Variants in TLK1 observed in about 807,000 individuals in gnomAD.
The protein encoded by TLK1 is serine/threonine-protein kinase tousled-like 1.
A neutral mutation model predicts 105.3 loss-of-function variants in TLK1; 24 were observed. That is an observed-to-expected ratio of 0.23 (90% CI 0.17 to 0.32). The LOEUF (loss-of-function observed/expected upper bound fraction) is 0.32. Among genes scored for constraint, TLK1 ranks in the 10% least tolerant of loss-of-function variants. The pLI is 1.00. For synonymous variants in TLK1, 321 were observed against 310.4 expected (o/e 1.03, Z -0.36); for missense variants, 558 against 910.5 (o/e 0.61, Z 4.98).
At chr2:171,107,778 G>A (rs1477519532) in intron 2 of TLK1, among the ~76,000 whole-genome samples, 1 of 152,098 alleles carries the variant, frequency 6.6e-6, no homozygotes, top group Non-Finnish European at 1.5e-5. Flanking sequence ...AAAGGAGCTG[G>A]CCAGGCGCAG....
At chr2:171,212,891 T>C (rs1204609554) in intron 1 of TLK1, among the ~76,000 whole-genome samples, 2 of 13,772 alleles carry the variant, frequency 1.5e-4, no homozygotes, top group African/African-American at 2.3e-4. Context: ...AAAAGCGTTT[T>C]GTTTTTTTTT....
chr2:171,009,251 G>T (rs1407255626), intron 14 of TLK1, among the ~76,000 whole-genome samples: 2 of 150,158 alleles, frequency 1.3e-5, no homozygotes, highest in African/African-American at 5.0e-5. Flanking sequence ...AACGAGAAGG[G>T]TGTAGTCTTT....
chr2:171,074,170 C>T (rs1688392516), intron 3 of TLK1, among the ~76,000 whole-genome samples: 1 of 152,180 alleles, frequency 6.6e-6, no homozygotes, highest in Non-Finnish European at 1.5e-5. Context: ...GGATTACAGG[C>T]ATGAGCCGCC....
chr2:171,161,725 T>C (rs1241361767), upstream of TLK1, among the ~76,000 whole-genome samples: 4 of 152,236 alleles, frequency 2.6e-5, no homozygotes, highest in African/African-American at 9.6e-5. Context: ...ATAATTTGTT[T>C]CTAGTGTCTC....
intron 13 of TLK1, among the ~76,000 whole-genome samples, chr2:171,014,451 G>C (rs1239192057): frequency 2.6e-5 from 4 of 151,850 alleles, no homozygotes; most frequent in Non-Finnish European, 4.4e-5. Context: ...CCTCCTACCT[G>C]AGCCTCTTGA....
intron 11 of TLK1, among the ~76,000 whole-genome samples, chr2:171,038,085 C>T (rs551334866): frequency 6.6e-6 from 1 of 152,218 alleles, no homozygotes; most frequent in Non-Finnish European, 1.5e-5. Flanking sequence ...TTTGGTTCCA[C>T]TGTATTTTTC....
At chr2:171,086,976 C>T (rs934731046) in intron 2 of TLK1, among the ~76,000 whole-genome samples, 2 of 152,116 alleles carry the variant, frequency 1.3e-5, no homozygotes, top group Non-Finnish European at 2.9e-5. Context: ...AAGACTAAAA[C>T]AACTAGCAGG....
At chr2:171,148,951 G>GAT (rs576358287) in intron 1 of TLK1, among the ~76,000 whole-genome samples, 2,348 of 144,708 alleles carry the variant, frequency 0.016, 21 homozygotes, top group African/African-American at 0.029. Flanking sequence ...GTGTATGTGC[G>GAT]ATATATATAT....
chr2:171,203,327 A>G (rs1163110504), intron 1 of TLK1, among the ~76,000 whole-genome samples: 1 of 152,032 alleles, frequency 6.6e-6, no homozygotes, highest in Non-Finnish European at 1.5e-5. Context: ...AAAACTCTAT[A>G]CTCATTAAAC....
Position 171,046,336 on chromosome 2 carries a change from C to T in TLK1, c.1007G>A (p.Arg336Lys), listed in dbSNP as rs759400768. The T allele has an allele frequency of 6.2e-7, 1 of 1,609,422 alleles. No individual in the cohort carries two copies. The highest frequency in any genetic ancestry group is 1.7e-5 in the Admixed American group (1 of 59,062). ...VKQQEWVNQQ[R>K]EDIERQRKLL... ...TTTCCTTTGCCTTTCAATATCTTCC[C>T]TTTGCTGATTCACCCATTCTTGTTG... The change falls in exon 11 of 21, where the codon AGG (arginine) becomes AAG (lysine). Residue 336 changes from arginine (R) to lysine (K), a missense_variant. Transcript: ENST00000431350.
At chr2:171,026,167 G>A (rs891672706) in intron 12 of TLK1, among the ~76,000 whole-genome samples, 1 of 152,150 alleles carries the variant, frequency 6.6e-6, no homozygotes, top group Admixed American at 6.5e-5. Context: ...AAAGATTATG[G>A]AAGGGATAAT....
At position 171,160,647 on chromosome 2, in the gene TLK1, G is replaced by A. The variant is rs926580193; in HGVS notation, c.-219C>T. 4 of 677,668 alleles carry A rather than the reference G, an allele frequency of 5.9e-6. No homozygotes were observed. The South Asian group carries it at 9.3e-5, about 16-fold the overall frequency. The allele number at this position is 677,668 out of a possible 1,614,324, so 42.0% of individuals were successfully genotyped here. Reference sequence around the variant, plus strand: ...AGGGGACAGGGAGGAGGGAAAGGGGGAGAAGCGAGGGAGCGAGCGGGCGCG... The same window carrying A: ...AGGGGACAGGGAGGAGGGAAAGGGGAAGAAGCGAGGGAGCGAGCGGGCGCG... On this transcript the variant is annotated 5_prime_UTR_variant, in exon 1 of 21. Coordinates refer to ENST00000431350, the MANE Select transcript of TLK1 (RefSeq NM_012290.5). This position sits in a 1 kb window ranked among gnomAD's most constrained non-coding sequence, Gnocchi z 4.4.
intron 1 of TLK1, among the ~76,000 whole-genome samples, chr2:171,222,427 C>T (rs575413086): frequency 6.6e-6 from 1 of 152,152 alleles, no homozygotes; most frequent in South Asian, 2.1e-4. Context: ...CATCCCCAGG[C>T]TCAAGCCATC....
intron 1 of TLK1, among the ~76,000 whole-genome samples, chr2:171,119,316 T>C (rs1293023750): frequency 6.6e-6 from 1 of 152,182 alleles, no homozygotes; most frequent in Non-Finnish European, 1.5e-5. Flanking sequence ...AGCAAAAACA[T>C]AAACAGTTCT....
At chr2:171,070,811 C>T (rs1308693413) in intron 3 of TLK1, among the ~76,000 whole-genome samples, 3 of 152,112 alleles carry the variant, frequency 2.0e-5, no homozygotes, top group African/African-American at 7.2e-5. Context: ...CTGGATCGCA[C>T]GGTAGCTCTA....
At chr2:171,059,904 C>A (rs1687669556) in intron 4 of TLK1, 2 of 1,237,464 alleles carry the variant, frequency 1.6e-6, no homozygotes, top group South Asian at 2.4e-5. Context: ...GGCGGTAATG[C>A]TCACTGGCCC....
chr2:171,190,075 A>G (rs1341212162), intron 1 of TLK1, among the ~76,000 whole-genome samples: 3 of 152,210 alleles, frequency 2.0e-5, no homozygotes, highest in Non-Finnish European at 4.4e-5. Context: ...AATTTGCACA[A>G]TTAAGATCTT....
chr2:171,076,322 T>C (rs1396263850), intron 3 of TLK1, among the ~76,000 whole-genome samples: 1 of 152,048 alleles, frequency 6.6e-6, no homozygotes, highest in African/African-American at 2.4e-5. Flanking sequence ...ATTAAAAGGA[T>C]GAGTTGAGTC....
At chr2:171,159,342 AT>A (rs1404850644) in intron 1 of TLK1, among the ~76,000 whole-genome samples, 3 of 152,304 alleles carry the variant, frequency 2.0e-5, no homozygotes, top group African/African-American at 7.2e-5. Flanking sequence ...TTCCCCATAA[AT>A]GTGTTTTCTC....
Sources: gnomAD v4.1 joint callset for allele counts (sites outside exome capture counted in the v4.1 genomes callset) on GRCh38, gnomAD v4.1.1 for gene constraint, Gnocchi (gnomAD v3.1) non-coding constraint, MANE v1.5 for transcripts, NCBI Gene and HGNC (gene_info 2026-07-23, HGNC 2026-07-21) for gene names.